The following CALR variants were observed in gnomAD, a reference collection of about 807,000 sequenced individuals.
The protein encoded by CALR is calreticulin, also known as CRP55.
Under a neutral mutation model 51.1 loss-of-function variants are expected in CALR, and 15 were observed. The observed-to-expected ratio is 0.29, with a 90% confidence interval of 0.20 to 0.45. The LOEUF (loss-of-function observed/expected upper bound fraction) is 0.45, where lower values mean the gene tolerates loss of function less well. CALR is among the 20% of genes least tolerant of loss of function. The pLI is 1.00. For synonymous variants in CALR, 239 were observed against 205.9 expected (o/e 1.16, Z -1.38); for missense variants, 477 against 530.6 (o/e 0.90, Z 0.99).
chr19:12,940,934 A>G, intron 7 of CALR, 47 bp downstream of exon 7: 1 of 1,595,334 alleles, frequency 6.3e-7, no homozygotes, highest in Non-Finnish European at 8.6e-7. Flanking sequence ...CCTCAAGTGC[A>G]TAAGATCACC....
chr19:12,939,344 A>G lies in CALR; in HGVS notation c.194-84A>G, dbSNP rs1599659238. 14 of 1,466,694 alleles carry G rather than the reference A, an allele frequency of 9.5e-6. No homozygotes were observed. The East Asian group carries it at 3.2e-4, about 33-fold the overall frequency. The allele number at this position is 1,466,694 out of a possible 1,614,324, so 90.9% of individuals were successfully genotyped here. A position where few individuals can be genotyped will look rare whatever the true frequency, so the allele number is the denominator to read the frequency against. On this transcript the variant is annotated intron_variant, in intron 2 of 8. Coordinates refer to ENST00000316448, the MANE Select transcript of CALR (RefSeq NM_004343.4). ...CCCTTGGAGGAGGACAGGTGGAGGA[A>G]GTGGGGGAGTCTTCTCTATTCTCTA...
At position 12,940,901 on chromosome 19, in the gene CALR, G is replaced by A; in HGVS notation, c.960+14G>A. The A allele has an allele frequency of 1.2e-6, 2 of 1,613,722 alleles. No individual in the cohort carries two copies. The highest frequency in any genetic ancestry group is 4.5e-5 in the East Asian group (2 of 44,876). The stretch of plus-strand genomic sequence containing the variant: ...GACCTCTGGCAGGTGAGACTTGGAG[G>A]AAAAAGGAGGATCCCTGGGGTACCT... On this transcript the variant is annotated intron_variant, in intron 7 of 8. Transcript: ENST00000316448.
chr19:12,940,342 G>A lies in CALR; in HGVS notation c.592G>A (p.Asp198Asn). The stretch of plus-strand genomic sequence containing the variant: ...CCAGGTGGAGTCCGGCTCCTTGGAA[G>A]ACGATTGGGACTTCCTGCCACCCAA... ...NSQVESGSLE[D>N]DWDFLPPKKI... The change falls in exon 5 of 9, where the codon GAC becomes AAC. Residue 198 changes from aspartate to asparagine, a missense_variant. Asp to Asn is a conservative substitution (Grantham distance 23). Transcript: ENST00000316448. 6.2e-7 allele frequency: 1 copy of A among 1,614,202 alleles called. No homozygotes were observed. The highest frequency in any genetic ancestry group is 8.5e-7 in the Non-Finnish European group (1 of 1,180,032).
chr19:12,941,971 G>A (rs1198514859), intron 7 of CALR, among the ~76,000 whole-genome samples: 1 of 152,090 alleles, frequency 6.6e-6, no homozygotes, highest in Admixed American at 6.6e-5. Flanking sequence ...AAGGAAGAAG[G>A]ATGATCACTT....
At chr19:12,943,665 G>A (rs200423895) in intron 8 of CALR, 36 bp downstream of exon 8, 4 of 1,614,124 alleles carry the variant, frequency 2.5e-6, no homozygotes, top group Non-Finnish European at 3.4e-6. Context: ...TCGGGGGCGG[G>A]CAGGGCTGGC....
intron 7 of CALR, among the ~76,000 whole-genome samples, chr19:12,941,491 A>G: frequency 1.3e-5 from 1 of 79,406 alleles, no homozygotes; most frequent in Non-Finnish European, 2.4e-5. Flanking sequence ...TTTTTTTTTG[A>G]GACCGTGCCT....
rs368436434 is a variant in CALR at position 12,940,208 on chromosome 19, G to C, written c.493-35G>C. The C allele has an allele frequency of 9.9e-6, 16 of 1,611,900 alleles. No individual in the cohort carries two copies. The African/African-American group carries it at 1.9e-4, about 19-fold the overall frequency. Reference sequence around the variant, plus strand: ...GGAGATTCAGAGGTCAGCCTCATTGGGGGGTGGCCCCCGCTCACCTTCTTC... The same window carrying C: ...GGAGATTCAGAGGTCAGCCTCATTGCGGGGTGGCCCCCGCTCACCTTCTTC... On this transcript the variant is annotated intron_variant, in intron 4 of 8. Coordinates refer to ENST00000316448, the MANE Select transcript of CALR (RefSeq NM_004343.4).
At position 12,939,114 on chromosome 19, in the gene CALR, C is replaced by T. The variant is rs552932322; in HGVS notation, c.92-20C>T. 73 of 1,458,446 alleles carry T rather than the reference C, an allele frequency of 5.0e-5. No individual in the cohort carries two copies. Among genetic ancestry groups the T allele is most frequent in the Middle Eastern group, 1.7e-4 (1 of 5,728 alleles). The allele number at this position is 1,458,446 out of a possible 1,614,324, so 90.3% of individuals were successfully genotyped here. A position where few individuals can be genotyped will look rare whatever the true frequency, so the allele number is the denominator to read the frequency against. ...GATTAGCACAGCCGCTCTGACCTAC[C>T]CCTCTAATCCCCCACTTAGACGGGT... On this transcript the variant is annotated intron_variant, in intron 1 of 8. Coordinates refer to ENST00000316448, the MANE Select transcript of CALR (RefSeq NM_004343.4).
intron 7 of CALR, among the ~76,000 whole-genome samples, chr19:12,941,913 A>G (rs1187426954): frequency 6.6e-6 from 1 of 152,016 alleles, no homozygotes; most frequent in Non-Finnish European, 1.5e-5. Flanking sequence ...CTCTACAAAA[A>G]CTTTAAAAAT....
chr19:12,942,213 A>G (rs1010805319), intron 7 of CALR, among the ~76,000 whole-genome samples: 2 of 151,790 alleles, frequency 1.3e-5, no homozygotes, highest in African/African-American at 4.8e-5. Context: ...AATACAAAAA[A>G]TTTGCCAGGT....
chr19:12,943,015 CA>C (rs1189209527), intron 7 of CALR, among the ~76,000 whole-genome samples: 1 of 151,314 alleles, frequency 6.6e-6, no homozygotes, highest in Non-Finnish European at 1.5e-5. Flanking sequence ...CATGACCTCC[CA>C]AAGTGCTGGG....
chr19:12,939,548 G>T lies in CALR; in HGVS notation c.314G>T (p.Cys105Phe). 1 of 1,614,068 alleles carries T rather than the reference G, an allele frequency of 6.2e-7. No homozygotes were observed. The highest frequency in any genetic ancestry group is 8.5e-7 in the Non-Finnish European group (1 of 1,180,036). Residue 105 changes from cysteine to phenylalanine, a missense_variant, in exon 3 of 9, where the codon TGT becomes TTT. Coordinates refer to ENST00000316448, the MANE Select transcript of CALR (RefSeq NM_004343.4). ...FTVKHEQNID[C>F]GGGYVKLFPN... ...GTGAAACATGAGCAGAACATCGACT[G>T]TGGGGGCGGCTATGTGAAGCTGTTT...
In CALR at chr19:12,943,733, G is replaced by A. The variant is rs2146020967; in HGVS notation, c.1074G>A (p.Lys358=). 1 of 1,613,700 alleles carries A rather than the reference G, an allele frequency of 6.2e-7. No individual in the cohort carries two copies. Among genetic ancestry groups the A allele is most frequent in the Non-Finnish European group, 8.5e-7 (1 of 1,179,806 alleles). The change falls in exon 9 of 9, where the codon AAG becomes AAA. Residue 358 remains lysine (K), a synonymous_variant. Coordinates refer to ENST00000316448, the MANE Select transcript of CALR (RefSeq NM_004343.4). The part of the protein sequence containing the change: ...GVTKAAEKQM[K]DKQDEEQRLK... ...TGCAGGCAGCAGAGAAACAAATGAA[G>A]GACAAACAGGACGAGGAGCAGAGGC... is the stretch of plus-strand genomic sequence containing the variant.
At chr19:12,939,319 C>T (rs1568448172) in intron 2 of CALR, 84 bp downstream of exon 2, 1 of 1,441,056 alleles carries the variant, frequency 6.9e-7, no homozygotes, top group East Asian at 2.3e-5. Flanking sequence ...CGGGACAGTC[C>T]CCTTGGAGGA....
chr19:12,940,657 G>A lies in CALR; in HGVS notation c.816+3G>A, dbSNP rs765579713. On this transcript the variant is annotated splice_donor_region_variant and intron_variant, in intron 6 of 8. Coordinates refer to ENST00000316448, the MANE Select transcript of CALR (RefSeq NM_004343.4). ...TGATTCAGAACCCTGAGTACAAGGT[G>A]AGTTTGGGGCTCTGAGCAGGGCTGG... is the stretch of plus-strand genomic sequence containing the variant. The A allele has an allele frequency of 4.3e-6, 7 of 1,613,956 alleles. No homozygotes were observed. The highest frequency in any genetic ancestry group is 4.0e-5 in the African/African-American group (3 of 74,930).
At position 12,938,907 on chromosome 19, in the gene CALR, C is replaced by A. The variant is rs941005562; in HGVS notation, c.91+137C>A. 2.0e-5 allele frequency: 16 copies of A among 802,718 alleles called. 1 individual carries two copies. In the African/African-American group the frequency reaches 2.0e-4, roughly 10 times the overall value. The allele number at this position is 802,718 out of a possible 1,614,324, so 49.7% of individuals were successfully genotyped here. On this transcript the variant is annotated intron_variant, in intron 1 of 8. Transcript: ENST00000316448. ...GGGACTAGAGCCGCGGGCGATTTCT[C>A]TTCTGCGTCCCTGGGGAGCGCGGAG...
chr19:12,940,205 T>C (rs777150504), intron 4 of CALR, 38 bp from the exon 5 acceptor site: 4 of 1,610,634 alleles, frequency 2.5e-6, no homozygotes, highest in Admixed American at 1.7e-5. Context: ...GTCAGCCTCA[T>C]TGGGGGGTGG....
At chr19:12,939,397 C>T in intron 2 of CALR, 31 bp from the exon 3 acceptor site, 1 of 1,608,390 alleles carries the variant, frequency 6.2e-7, no homozygotes, top group Non-Finnish European at 8.5e-7. Context: ...AGTCAAGGCC[C>T]AACGGTGACC....
intron 6 of CALR, 29 bp from the exon 7 acceptor site, chr19:12,940,715 A>G: frequency 6.2e-7 from 1 of 1,613,936 alleles, no homozygotes; most frequent in South Asian, 1.1e-5. Flanking sequence ...AACCTTACTC[A>G]CCCTTCGGTT....
Sources: gnomAD v4.1 joint callset for allele counts (sites outside exome capture counted in the v4.1 genomes callset) on GRCh38, gnomAD v4.1.1 for gene constraint, MANE v1.5 for transcripts, NCBI Gene and HGNC (gene_info 2026-07-23, HGNC 2026-07-21) for gene names.